PIGW: variants seen among roughly 807,000 people sequenced by gnomAD.
The protein encoded by PIGW is glucosaminyl-phosphatidylinositol-acyltransferase PIGW.
Under a neutral mutation model 34.0 loss-of-function variants are expected in PIGW, and 23 were observed. The observed-to-expected ratio is 0.68, with a 90% confidence interval of 0.49 to 0.96. PIGW has a LOEUF of 0.96. PIGW is among the 40% of genes least tolerant of loss of function. The probability of loss-of-function intolerance (pLI) is 0.00; values close to 1 mark genes in which losing one functional copy is unlikely to be tolerated. For synonymous variants in PIGW, 225 were observed against 225.2 expected, an observed-to-expected ratio of 1.00 and a Z score of 0.01; for missense variants, 574 against 586.3, an observed-to-expected ratio of 0.98 and a Z score of 0.22.
Position 36,538,164 on chromosome 17 carries a change from T to C in PIGW, c.1063T>C (p.Tyr355His), listed in dbSNP as rs758655367. Reference protein sequence around the residue: ...LAAISLFISLYVVQVNVEAVS... With the variant: ...LAAISLFISLHVVQVNVEAVS... ...AGCTATTAGCCTCTTCATATCTCTT[T>C]ACGTAGTTCAAGTAAATGTAGAAGC... Residue 355 changes from tyrosine (Y) to histidine (H), a missense_variant, in exon 2 of 2, where the codon TAC (tyrosine) becomes CAC (histidine). Tyr to His is a moderately conservative substitution (Grantham distance 83). Transcript: ENST00000614443. 4 of 1,614,018 alleles carry C rather than the reference T, an allele frequency of 2.5e-6. No individual in the cohort carries two copies. In the Admixed American group the frequency reaches 5.0e-5, roughly 20 times the overall value.
chr17:36,538,398 A>G lies in PIGW; in HGVS notation c.1297A>G (p.Arg433Gly). The G allele has an allele frequency of 1.2e-6, 2 of 1,614,176 alleles. No homozygotes were observed. The highest frequency in any genetic ancestry group is 1.7e-6 in the Non-Finnish European group (2 of 1,180,022). ...HSESLVPEAE[R>G]MEPSLCLITA... ...AGAATCTCTAGTCCCTGAAGCCGAA[A>G]GAATGGAACCCAGTCTTTGTTTAAT... is the stretch of plus-strand genomic sequence containing the variant. Residue 433 changes from arginine (R) to glycine (G), a missense_variant, in exon 2 of 2, where the codon AGA (arginine) becomes GGA (glycine). Physicochemically the swap from Arg to Gly is moderately radical, Grantham distance 125. Transcript: ENST00000614443.
Position 36,537,980 on chromosome 17 carries a change from C to T in PIGW, c.879C>T (p.Gly293=), listed in dbSNP as rs749642382. The T allele has an allele frequency of 4.3e-6, 7 of 1,613,914 alleles. No homozygotes were observed. The South Asian group carries it at 7.7e-5, about 18-fold the overall frequency. The change falls in exon 2 of 2, where the codon GGC becomes GGT. Residue 293 remains glycine (G), a synonymous_variant. Coordinates refer to ENST00000614443, the MANE Select transcript of PIGW (RefSeq NM_001346754.2). ...RLILYGTDGS[G]TRVGLLNANR... is the part of the protein sequence containing the mutation. ...TATTATATGGCACTGATGGTAGTGG[C>T]ACACGGGTTGGTCTATTAAATGCCA...
chr17:36,537,544 A>T lies in PIGW; in HGVS notation c.443A>T (p.Asp148Val). The part of the protein sequence containing the change: ...AFTAIAILAV[D>V]FPLFPRRFAK... ...ACTGCTATTGCTATTTTGGCTGTGGACTTCCCACTTTTTCCCAGAAGATTT... is the reference window on the plus strand; with the variant it reads ...ACTGCTATTGCTATTTTGGCTGTGGTCTTCCCACTTTTTCCCAGAAGATTT... Residue 148 changes from aspartate to valine, a missense_variant, in exon 2 of 2, where the codon GAC (aspartate) becomes GTC (valine). Transcript: ENST00000614443. 1.9e-6 allele frequency: 3 copies of T among 1,613,974 alleles called. No homozygotes were observed. Among genetic ancestry groups the T allele is most frequent in the Non-Finnish European group, 2.5e-6 (3 of 1,179,982 alleles).
At position 36,538,807 on chromosome 17, in the gene PIGW, G is replaced by A. The variant is rs996188576; in HGVS notation, c.*191G>A. On this transcript the variant is annotated 3_prime_UTR_variant, in exon 2 of 2. Transcript: ENST00000614443. ...CTTGCTCTGTTACCCAGGCTGGAGTGTAGTGGTGCCATCTCAGCTCACTGC... is the reference window on the plus strand; with the variant it reads ...CTTGCTCTGTTACCCAGGCTGGAGTATAGTGGTGCCATCTCAGCTCACTGC... 1.3e-5 allele frequency: 7 copies of A among 548,174 alleles called. No homozygotes were observed. The allele number at this position is 548,174 out of a possible 1,614,324, so 34.0% of individuals were successfully genotyped here. A position where few individuals can be genotyped will look rare whatever the true frequency, so the allele number is the denominator to read the frequency against.
At position 36,537,143 on chromosome 17, in the gene PIGW, C is replaced by T; in HGVS notation, c.42C>T (p.Leu14=). ...KQMKEAFVSN[L]NGTTVLEITQ... ...TGAAGGAAGCTTTTGTCAGTAACCT[C>T]AATGGAACCACCGTGCTGGAAATCA... Residue 14 remains leucine (L), a synonymous_variant, in exon 2 of 2, where the codon CTC becomes CTT. Transcript: ENST00000614443. 1 of 1,611,082 alleles carries T rather than the reference C, an allele frequency of 6.2e-7. No homozygotes were observed. Among genetic ancestry groups the T allele is most frequent in the Non-Finnish European group, 8.5e-7 (1 of 1,179,008 alleles).
chr17:36,537,055 G>T, intron 1 of PIGW, 39 bp from the exon 2 acceptor site: 1 of 1,502,248 alleles, frequency 6.7e-7, no homozygotes, highest in African/African-American at 1.4e-5. Flanking sequence ...CAAGAATGCT[G>T]CTTTTCACAA....
In PIGW at chr17:36,537,806, C is replaced by G. The variant is rs61755368; in HGVS notation, c.705C>G (p.His235Gln). ...AACATTTAACAGAGTATGGAGTTCA[C>G]TGGAACTTTTTCTTTACCATAATAG... is the stretch of plus-strand genomic sequence containing the variant. Reference protein sequence around the residue: ...YQEHLTEYGVHWNFFFTIIVV... With the variant: ...YQEHLTEYGVQWNFFFTIIVV... Residue 235 changes from histidine to glutamine, a missense_variant, in exon 2 of 2, where the codon CAC (histidine) becomes CAG (glutamine). His to Gln is a conservative substitution (Grantham distance 24, BLOSUM62 0). Coordinates refer to ENST00000614443, the MANE Select transcript of PIGW (RefSeq NM_001346754.2). 13,340 of 1,614,112 alleles carry G rather than the reference C, an allele frequency of 8.3e-3. 73 individuals are homozygous for G. The highest frequency in any genetic ancestry group is 9.2e-3 in the Non-Finnish European group (10,831 of 1,180,010).
In PIGW at chr17:36,537,237, T is replaced by G. The variant is rs1348080877; in HGVS notation, c.136T>G (p.Leu46Val). The part of the protein sequence containing the change: ...RGFLIIFSQY[L>V]CSFSPTWKTR... ...GTTCCTGATCATTTTCTCACAGTAC[T>G]TGTGTTCTTTTTCACCTACCTGGAA... is the stretch of plus-strand genomic sequence containing the variant. The change falls in exon 2 of 2, where the codon TTG becomes GTG. Residue 46 changes from leucine (L) to valine (V), a missense_variant. Transcript: ENST00000614443. 7 of 1,614,182 alleles carry G rather than the reference T, an allele frequency of 4.3e-6. No homozygotes were observed. The highest frequency in any genetic ancestry group is 5.9e-6 in the Non-Finnish European group (7 of 1,180,024).
Position 36,538,622 on chromosome 17 carries a change from A to G in PIGW, c.*6A>G, listed in dbSNP as rs2074176620. The G allele has an allele frequency of 2.5e-6, 4 of 1,570,542 alleles. No individual in the cohort carries two copies. Among genetic ancestry groups the G allele is most frequent in the Non-Finnish European group, 3.5e-6 (4 of 1,149,988 alleles). The stretch of plus-strand genomic sequence containing the variant: ...AGACTGTACAATTTTGGTGATCAGC[A>G]GGAGTAGGATATATAAGTATTTGGG... On this transcript the variant is annotated 3_prime_UTR_variant, in exon 2 of 2. Coordinates refer to ENST00000614443, the MANE Select transcript of PIGW (RefSeq NM_001346754.2).
At chr17:36,536,191 A>T (rs2074116469) in intron 1 of PIGW, among the ~76,000 whole-genome samples, 1 of 152,154 alleles carries the variant, frequency 6.6e-6, no homozygotes, top group Admixed American at 6.5e-5. Flanking sequence ...CACCCACCGT[A>T]CCTACTTCCA....
At position 36,538,008 on chromosome 17, in the gene PIGW, C is replaced by T. The variant is rs559390011; in HGVS notation, c.907C>T (p.Arg303Cys). 53 of 1,613,916 alleles carry T rather than the reference C, an allele frequency of 3.3e-5. No homozygotes were observed. The East Asian group carries it at 6.9e-4, about 21-fold the overall frequency. The part of the protein sequence containing the change: ...GTRVGLLNAN[R>C]EGIISTLGYV... ...ACGGGTTGGTCTATTAAATGCCAAC[C>T]GCGAAGGAATAATCTCTACCCTGGG... The change falls in exon 2 of 2, where the codon CGC (arginine) becomes TGC (cysteine). Residue 303 changes from arginine to cysteine, a missense_variant. Physicochemically the swap from Arg to Cys is radical, Grantham distance 180 (BLOSUM62 -3). Coordinates refer to ENST00000614443, the MANE Select transcript of PIGW (RefSeq NM_001346754.2).
In PIGW at chr17:36,537,312, A is replaced by G. The variant is rs587777733; in HGVS notation, c.211A>G (p.Thr71Ala). Residue 71 changes from threonine to alanine, a missense_variant, in exon 2 of 2, where the codon ACT becomes GCT. Transcript: ENST00000614443. The stretch of plus-strand genomic sequence containing the variant: ...TGTCCTAATAGTTCCCATGGTAGCC[A>G]CTTTGACCATTTGGGCTTCATTTAT... ...FVVLIVPMVA[T>A]LTIWASFILL... 7 of 1,612,654 alleles carry G rather than the reference A, an allele frequency of 4.3e-6. No homozygotes were observed. Among genetic ancestry groups the G allele is most frequent in the Non-Finnish European group, 5.9e-6 (7 of 1,179,782 alleles).
chr17:36,536,523 C>CTT (rs2074128923), intron 1 of PIGW, among the ~76,000 whole-genome samples: 5 of 130,852 alleles, frequency 3.8e-5, no homozygotes, highest in Admixed American at 7.9e-5. Context: ...TTTTTCTTTT[C>CTT]CTTTTTTTTT....
rs1260146385 is a variant in PIGW, at chr17:36,535,462, T to A, written c.-139T>A. 1 of 152,238 alleles carries A rather than the reference T, an allele frequency of 6.6e-6. No individual in the cohort carries two copies. Among genetic ancestry groups the A allele is most frequent in the Non-Finnish European group, 1.5e-5 (1 of 68,066 alleles). The allele number at this position is 152,238 out of a possible 1,614,324, so 9.4% of individuals were successfully genotyped here. On this transcript the variant is annotated 5_prime_UTR_variant, in exon 1 of 2. Transcript: ENST00000614443. ...AATCGGCCGGCCCGGAAGTGCCAGC[T>A]GCCTGCGTCGGCCGGAAGTGCCGCG...
rs1371909465 is a variant in PIGW at position 36,537,958 on chromosome 17, T to C, written c.857T>C (p.Leu286Ser). 1 of 1,614,064 alleles carries C rather than the reference T, an allele frequency of 6.2e-7. No individual in the cohort carries two copies. The highest frequency in any genetic ancestry group is 1.7e-5 in the Admixed American group (1 of 60,018). Residue 286 changes from leucine (L) to serine (S), a missense_variant, in exon 2 of 2, where the codon TTA (leucine) becomes TCA (serine). Transcript: ENST00000614443. ...LDFTSLKRLI[L>S]YGTDGSGTRV... is the part of the protein sequence containing the mutation. ...TTTACCTCACTGAAGAGGTTAATAT[T>C]ATATGGCACTGATGGTAGTGGCACA...
intron 1 of PIGW, among the ~76,000 whole-genome samples, chr17:36,536,746 C>G (rs925148565): frequency 2.0e-5 from 3 of 152,138 alleles, no homozygotes; most frequent in Non-Finnish European, 2.9e-5. Flanking sequence ...AACTCCTGAC[C>G]TCAGGTGATC....
Position 36,535,520 on chromosome 17 carries a change from T to G in PIGW, c.-81T>G, listed in dbSNP as rs2074087233. The G allele has an allele frequency of 6.6e-6, 1 of 152,192 alleles. No individual in the cohort carries two copies. The highest frequency in any genetic ancestry group is 2.4e-5 in the African/African-American group (1 of 41,460). The allele number at this position is 152,192 out of a possible 1,614,324, so 9.4% of individuals were successfully genotyped here. The stretch of plus-strand genomic sequence containing the variant: ...CGGAAGCGGCTGGTTCCCGCGTGGT[T>G]TGGCGGGTGCAGCGGCAGTCCGGCT... On this transcript the variant is annotated 5_prime_UTR_variant, in exon 1 of 2. Transcript: ENST00000614443.
In PIGW at chr17:36,537,293, A is replaced by G; in HGVS notation, c.192A>G (p.Leu64=). The change falls in exon 2 of 2, where the codon CTA becomes CTG. Residue 64 remains leucine (L), a synonymous_variant. Coordinates refer to ENST00000614443, the MANE Select transcript of PIGW (RefSeq NM_001346754.2). ...GATTCCTCACTGACTTTGTTGTCCT[A>G]ATAGTTCCCATGGTAGCCACTTTGA... ...KTRFLTDFVV[L]IVPMVATLTI... 2 of 1,613,610 alleles carry G rather than the reference A, an allele frequency of 1.2e-6. No homozygotes were observed. Among genetic ancestry groups the G allele is most frequent in the South Asian group, 1.1e-5 (1 of 91,060 alleles).
intron 1 of PIGW, 62 bp from the exon 2 acceptor site, chr17:36,537,032 T>TA: frequency 2.2e-6 from 3 of 1,391,620 alleles, no homozygotes; most frequent in Non-Finnish European, 2.9e-6. Context: ...TTAAGCCAGG[T>TA]ATGCTAATTA....
Sources: allele counts gnomAD v4.1 joint callset (sites outside exome capture counted in the v4.1 genomes callset), GRCh38; gene constraint gnomAD v4.1.1; transcripts MANE v1.5; gene names NCBI Gene and HGNC (gene_info 2026-07-23, HGNC 2026-07-21).